The following HIVEP3 variants were observed in gnomAD, a reference collection of about 807,000 sequenced individuals.
HIVEP3 encodes HIVEP zinc finger 3, also known as transcription factor HIVEP3.
In HIVEP3, 49 loss-of-function variants were observed where a neutral mutation model predicts 152.8. That is an observed-to-expected ratio of 0.32 (90% CI 0.26 to 0.41). HIVEP3 has a LOEUF of 0.41. Ranked by LOEUF, HIVEP3 falls within the 10% of genes least tolerant of loss-of-function variation. The pLI is 1.00. For synonymous variants in HIVEP3, 1,269 were observed against 1,289.0 expected (o/e 0.98, Z 0.33); for missense variants, 2,790 against 3,103.3 (o/e 0.90, Z 2.40).
chr1:41,929,029 T>A (rs1158681782), intron 1 of HIVEP3, among the ~76,000 whole-genome samples: 2 of 152,162 alleles, frequency 1.3e-5, no homozygotes, highest in Admixed American at 6.5e-5. Context: ...AATTGATAAA[T>A]ATTGGGAGTC....
chr1:42,009,956 G>A (rs751629527), intron 1 of HIVEP3, among the ~76,000 whole-genome samples: 25 of 152,034 alleles, frequency 1.6e-4, no homozygotes, highest in Admixed American at 2.0e-4. Flanking sequence ...AACAAAACAG[G>A]GTCTTACCTG....
chr1:41,588,370 T>C (rs1644536322), intron 3 of HIVEP3, among the ~76,000 whole-genome samples: 1 of 152,020 alleles, frequency 6.6e-6, no homozygotes, highest in East Asian at 1.9e-4. Context: ...CATGACTGGG[T>C]GGTGAAATGA....
chr1:41,824,742 A>AATATATATATATATATAT (rs375409601), intron 1 of HIVEP3, among the ~76,000 whole-genome samples: 1 of 75,114 alleles, frequency 1.3e-5, no homozygotes, highest in African/African-American at 7.6e-5. Flanking sequence ...TTCCAAGTTA[A>AATATATATATATATATAT]ATATATATAT....
chr1:41,930,376 T>C (rs980327299), intron 1 of HIVEP3, among the ~76,000 whole-genome samples: 1 of 152,168 alleles, frequency 6.6e-6, no homozygotes, highest in South Asian at 2.1e-4. Context: ...AATAGTAAAA[T>C]ATGAACTTTT....
At chr1:41,655,532 G>A (rs536302482) in intron 2 of HIVEP3, among the ~76,000 whole-genome samples, 10 of 129,538 alleles carry the variant, frequency 7.7e-5, no homozygotes, top group African/African-American at 2.7e-4. Flanking sequence ...GTAGTGAGAA[G>A]AGATTGTGCC....
chr1:41,672,553 C>T (rs1023678303), intron 2 of HIVEP3, among the ~76,000 whole-genome samples: 35 of 152,204 alleles, frequency 2.3e-4, no homozygotes, highest in African/African-American at 8.4e-4. Flanking sequence ...CTTGCTTTAT[C>T]CCCCAACAAT....
At chr1:41,698,618 G>A (rs145113869) in intron 2 of HIVEP3, among the ~76,000 whole-genome samples, 3 of 152,190 alleles carry the variant, frequency 2.0e-5, no homozygotes, top group East Asian at 1.9e-4. Context: ...GCAGGACATC[G>A]AAAACACCAA....
chr1:41,581,153 G>C lies in HIVEP3; in HGVS notation c.3645C>G (p.Ile1215Met), dbSNP rs1222126694. The C allele has an allele frequency of 6.5e-7, 1 of 1,549,834 alleles. No individual in the cohort carries two copies. Among genetic ancestry groups the C allele is most frequent in the Non-Finnish European group, 8.7e-7 (1 of 1,147,382 alleles). ...GGAAGGAAGGGGGCTGCCTGAAGGG[G>C]ATGTTGGCTGGGTGAGGCATGAGCT... ...LPQLMPHPAN[I>M]PFRQPPSFLP... The change falls in exon 4 of 9, where the codon ATC (isoleucine) becomes ATG (methionine). Residue 1215 changes from isoleucine to methionine, a missense_variant. Ile to Met is a conservative substitution (Grantham distance 10). Around this residue, in one of 9 missense-constraint regions of HIVEP3, gnomAD observed 1,078 missense variants for 1,165.3 expected, o/e 0.93. Transcript: ENST00000372583. This position sits in a 1 kb window ranked among gnomAD's most constrained non-coding sequence, Gnocchi z 4.5.
At chr1:41,759,102 T>G (rs1471152457) in intron 1 of HIVEP3, among the ~76,000 whole-genome samples, 2 of 151,452 alleles carry the variant, frequency 1.3e-5, no homozygotes, top group Non-Finnish European at 2.9e-5. Flanking sequence ...ACTCCCCATT[T>G]CCCCCTTTCC....
rs975079442 is a variant in HIVEP3 at position 41,635,512 on chromosome 1, A to G, written c.-720-6565T>C. ...TATACACACACATATATACATATAT[A>G]GCTGCATATATACATATATGCACGT... On this transcript the variant is annotated intron_variant, in intron 2 of 8. Coordinates refer to ENST00000372583, the MANE Select transcript of HIVEP3 (RefSeq NM_024503.5). Among the ~76,000 whole-genome samples, 6 of 150,408 alleles carry G rather than the reference A, an allele frequency of 4.0e-5. 2 individuals carry two copies. Among genetic ancestry groups the G allele is most frequent in the African/African-American group, 1.5e-4 (6 of 41,072 alleles).
At chr1:41,589,342 G>T (rs901601337) in intron 3 of HIVEP3, among the ~76,000 whole-genome samples, 10 of 152,200 alleles carry the variant, frequency 6.6e-5, no homozygotes, top group African/African-American at 1.7e-4. Context: ...GCAGCCAACT[G>T]GTTAGCTCCC....
intron 1 of HIVEP3, among the ~76,000 whole-genome samples, chr1:41,763,380 A>C (rs1256948576): frequency 1.3e-5 from 2 of 151,656 alleles, no homozygotes; most frequent in Admixed American, 6.6e-5. Context: ...CAACTGCCAC[A>C]CTCCATCTGG....
At chr1:41,965,785 A>G (rs1309686759) in intron 1 of HIVEP3, among the ~76,000 whole-genome samples, 1 of 152,222 alleles carries the variant, frequency 6.6e-6, no homozygotes, top group Admixed American at 6.5e-5. Flanking sequence ...GAAAGAATGG[A>G]ACCAAGTTGG....
intron 3 of HIVEP3, among the ~76,000 whole-genome samples, chr1:41,605,203 A>C: frequency 6.9e-6 from 1 of 145,636 alleles, no homozygotes; most frequent in South Asian, 2.2e-4. Flanking sequence ...AAGGGAAGGG[A>C]GGAAAGGAAG....
chr1:41,871,948 A>G (rs1644087937), intron 1 of HIVEP3, among the ~76,000 whole-genome samples: 1 of 152,204 alleles, frequency 6.6e-6, no homozygotes, highest in African/African-American at 2.4e-5. Context: ...AGTTTTCCTT[A>G]TAAAAATAAG....
At chr1:41,651,608 A>G (rs757293754) in intron 2 of HIVEP3, among the ~76,000 whole-genome samples, 3 of 152,212 alleles carry the variant, frequency 2.0e-5, no homozygotes, top group Non-Finnish European at 4.4e-5. Flanking sequence ...CATTTTATAT[A>G]AAGGACTTGA....
At chr1:41,729,105 C>A (rs913110674) in intron 1 of HIVEP3, among the ~76,000 whole-genome samples, 4 of 152,228 alleles carry the variant, frequency 2.6e-5, no homozygotes, top group African/African-American at 9.6e-5. Context: ...AACCAGAAAT[C>A]AGACTACTGT....
At chr1:41,597,220 A>C (rs949326400) in intron 3 of HIVEP3, among the ~76,000 whole-genome samples, 2 of 152,156 alleles carry the variant, frequency 1.3e-5, no homozygotes, top group Admixed American at 6.5e-5. Flanking sequence ...CCTGTTAGAG[A>C]GCTCAGGGAT....
At chr1:41,958,263 T>A (rs550086044) in intron 1 of HIVEP3, among the ~76,000 whole-genome samples, 4 of 152,312 alleles carry the variant, frequency 2.6e-5, no homozygotes, top group African/African-American at 9.6e-5. Flanking sequence ...AGGTGCTGTG[T>A]GGTGCCTTGG....
Sources: gnomAD v4.1 joint callset for allele counts (sites outside exome capture counted in the v4.1 genomes callset) on GRCh38, gnomAD v4.1.1 for gene constraint, gnomAD v4.1.1 regional missense constraint, Gnocchi (gnomAD v3.1) non-coding constraint, MANE v1.5 for transcripts, NCBI Gene and HGNC (gene_info 2026-07-23, HGNC 2026-07-21) for gene names.